Variants in FAM149A observed in about 807,000 individuals in gnomAD.
FAM149A encodes the protein family with sequence similarity 149 member A.
FAM149A carries 71 observed loss-of-function variants against 78.2 expected under a neutral mutation model. The ratio of observed to expected loss-of-function variants is 0.91; its 90% CI spans 0.75 to 1.11. The LOEUF (loss-of-function observed/expected upper bound fraction) is 1.11, where lower values mean the gene tolerates loss of function less well. FAM149A is among the 50% of genes least tolerant of loss of function. FAM149A has a pLI of 0.00. For missense variants in FAM149A, 1,036 were observed against 971.0 expected (o/e 1.07, Z -0.89); for synonymous variants, 446 against 410.5 (o/e 1.09, Z -1.04).
chr4:186,124,089 A>G (rs1014057511), intron 1 of FAM149A: 2 of 984,444 alleles, frequency 2.0e-6, no homozygotes, highest in Non-Finnish European at 2.4e-6. Flanking sequence ...TACATCCCCA[A>G]AGAGGTGTAT....
Position 186,153,640 on chromosome 4 carries a change from C to G in FAM149A, c.933-5C>G, listed in dbSNP as rs776133646. The G allele has an allele frequency of 1.2e-6, 2 of 1,610,192 alleles. No individual in the cohort carries two copies. Among genetic ancestry groups the G allele is most frequent in the East Asian group, 4.5e-5 (2 of 44,814 alleles). On this transcript the variant is annotated splice_region_variant and splice_polypyrimidine_tract_variant and intron_variant, in intron 4 of 13. Coordinates refer to ENST00000389354, the MANE Select transcript of FAM149A (RefSeq NM_001367768.3). ...AATGTCAGTAGCTTCTCTTTGACCTCGCAGAGTATTAGGAAGACAGCTGAT... is the reference window on the plus strand; with the variant it reads ...AATGTCAGTAGCTTCTCTTTGACCTGGCAGAGTATTAGGAAGACAGCTGAT...
intron 6 of FAM149A, among the ~76,000 whole-genome samples, chr4:186,155,524 C>G (rs1177244408): frequency 6.6e-6 from 1 of 151,856 alleles, no homozygotes; most frequent in Non-Finnish European, 1.5e-5. Context: ...AAGAAGAAAC[C>G]TAAAGGGAAA....
Position 186,155,387 on chromosome 4 carries a change from T to C in FAM149A, c.1230-613T>C, listed in dbSNP as rs1472174869. Among the ~76,000 whole-genome samples, 3 of 152,134 alleles carry C rather than the reference T, an allele frequency of 2.0e-5. No homozygotes were observed. In the East Asian group the frequency reaches 5.8e-4, roughly 29 times the overall value. ...CAAGTCTTAACACATTTGAGAAGAC[T>C]GAAATCAAGCATCTTTTCTGATCTC... On this transcript the variant is annotated intron_variant, in intron 6 of 13. Coordinates refer to ENST00000389354, the MANE Select transcript of FAM149A (RefSeq NM_001367768.3).
Position 186,165,407 on chromosome 4 carries a change from G to T in FAM149A, c.1953G>T (p.Pro651=), listed in dbSNP as rs776130401. 9.3e-6 allele frequency: 15 copies of T among 1,614,048 alleles called. No individual in the cohort carries two copies. The highest frequency in any genetic ancestry group is 1.3e-5 in the Non-Finnish European group (15 of 1,179,912). ...AAACGTCACGGAGCAGGTTCCCCCC[G>T]CTAGTCACGGAGACCAGGGGGCAGA... Residue 651 remains proline (P), a synonymous_variant, in exon 11 of 14, where the codon CCG becomes CCT. Coordinates refer to ENST00000389354, the MANE Select transcript of FAM149A (RefSeq NM_001367768.3).
chr4:186,150,896 A>G (rs1733516289), intron 3 of FAM149A: 1 of 209,194 alleles, frequency 4.8e-6, no homozygotes, highest in Non-Finnish European at 8.3e-6. Flanking sequence ...TAATTTTTGT[A>G]TTTTTAGTAG....
At chr4:186,117,449 A>C in intron 1 of FAM149A, 2 of 985,386 alleles carry the variant, frequency 2.0e-6, no homozygotes, top group Non-Finnish European at 2.4e-6. Context: ...CACACAGCTA[A>C]GAGAGAAGAG....
At chr4:186,161,847 G>A (rs1031159665) in intron 8 of FAM149A, among the ~76,000 whole-genome samples, 5 of 152,152 alleles carry the variant, frequency 3.3e-5, no homozygotes, top group Admixed American at 1.3e-4. Context: ...TCATGAACTA[G>A]AACAGAATTC....
chr4:186,109,103 T>A, intron 1 of FAM149A: 1 of 824,608 alleles, frequency 1.2e-6, no homozygotes, highest in Non-Finnish European at 1.5e-6. Flanking sequence ...CGCCTCGGCC[T>A]CCCGAAGTGC....
chr4:186,154,403 T>A (rs1274523952), intron 5 of FAM149A, 65 bp from the exon 6 acceptor site: 2 of 1,326,888 alleles, frequency 1.5e-6, no homozygotes, highest in East Asian at 2.4e-5. Flanking sequence ...TCCGCCATGA[T>A]CGTTTAAGCA....
chr4:186,173,466 C>T lies in FAM149A; in HGVS notation c.*1479C>T, dbSNP rs1027740056. Among the ~76,000 whole-genome samples the T allele has an allele frequency of 6.3e-5, 7 of 111,784 alleles. 2 individuals carry two copies. Among genetic ancestry groups the T allele is most frequent in the Admixed American group, 6.1e-4 (7 of 11,392 alleles). The allele number at this position is 111,784 out of a possible 152,430, so 73.3% of individuals were successfully genotyped here. A position where few individuals can be genotyped will look rare whatever the true frequency, so the allele number is the denominator to read the frequency against. On this transcript the variant is annotated 3_prime_UTR_variant, in exon 14 of 14. Coordinates refer to ENST00000389354, the MANE Select transcript of FAM149A (RefSeq NM_001367768.3). ...CTCCTGGGCTCAAGCGATTCTCCTG[C>T]TTCAGCCTCCTGGGTAGCTAGGATT...
At chr4:186,132,421 G>A (rs1350984323) in intron 1 of FAM149A, among the ~76,000 whole-genome samples, 1 of 152,192 alleles carries the variant, frequency 6.6e-6, no homozygotes, top group African/African-American at 2.4e-5. Flanking sequence ...TGGTGTTGCC[G>A]ACATTGGTGA....
At chr4:186,140,452 T>C (rs1490760713) in intron 1 of FAM149A, among the ~76,000 whole-genome samples, 3 of 141,742 alleles carry the variant, frequency 2.1e-5, no homozygotes, top group Non-Finnish European at 4.5e-5. Context: ...TTTTTTTTTT[T>C]TTTTTTTTTT....
At position 186,104,761 on chromosome 4, in the gene FAM149A, C is replaced by CGGCGGGCGTCTGG. The variant is rs1420928839; in HGVS notation, c.-307_-295dup. 2.2e-5 allele frequency among the ~76,000 whole-genome samples: 3 copies of CGGCGGGCGTCTGG among 139,108 alleles called. No individual in the cohort carries two copies. Among genetic ancestry groups the CGGCGGGCGTCTGG allele is most frequent in the East Asian group, 2.2e-4 (1 of 4,588 alleles). 91.3% of individuals were successfully genotyped at this position (139,108 alleles called of 152,430 possible). A position where few individuals can be genotyped will look rare whatever the true frequency, so the allele number is the denominator to read the frequency against. ...GCAACCGCGGGCGGCGGGCGGCGGG[C>CGGCGGGCGTCTGG]GGCGGGCGTCTGGGGCGGGCGGCGG... On this transcript the variant is annotated 5_prime_UTR_variant, in exon 1 of 14. Coordinates refer to ENST00000389354, the MANE Select transcript of FAM149A (RefSeq NM_001367768.3).
chr4:186,115,384 T>C (rs1220567737), intron 1 of FAM149A, among the ~76,000 whole-genome samples: 2 of 149,918 alleles, frequency 1.3e-5, no homozygotes, highest in Non-Finnish European at 3.0e-5. Context: ...TGAAGCCGCC[T>C]TCTCTCAGCT....
At chr4:186,169,918 A>G (rs1307068763) in intron 13 of FAM149A, 2 of 985,340 alleles carry the variant, frequency 2.0e-6, no homozygotes, top group Non-Finnish European at 2.4e-6. Context: ...CAGCTCCAAG[A>G]GGTTTTGCAT....
At chr4:186,108,580 A>G (rs2099309762) in intron 1 of FAM149A, among the ~76,000 whole-genome samples, 1 of 152,152 alleles carries the variant, frequency 6.6e-6, no homozygotes, top group Non-Finnish European at 1.5e-5. Context: ...CATGGAACAG[A>G]GGCTGCCCCT....
At chr4:186,117,590 G>A in intron 1 of FAM149A, 1 of 985,456 alleles carries the variant, frequency 1.0e-6, no homozygotes, top group Middle Eastern at 5.2e-4. Context: ...TGTGAGCAAA[G>A]CCGTGGAGGC....
At chr4:186,116,378 T>C in intron 1 of FAM149A, 1 of 700,768 alleles carries the variant, frequency 1.4e-6, no homozygotes. Context: ...CTGGGAGCTG[T>C]AGACCGGAGC....
At chr4:186,131,119 G>A (rs1290359550) in intron 1 of FAM149A, among the ~76,000 whole-genome samples, 5 of 152,110 alleles carry the variant, frequency 3.3e-5, no homozygotes, top group African/African-American at 1.2e-4. Flanking sequence ...AGACTGAGGT[G>A]GGTGGATCAC....
Sources: gnomAD v4.1 joint callset for allele counts (sites outside exome capture counted in the v4.1 genomes callset) on GRCh38, gnomAD v4.1.1 for gene constraint, MANE v1.5 for transcripts, NCBI Gene and HGNC (gene_info 2026-07-23, HGNC 2026-07-21) for gene names.